Variants in NALF1 observed in about 807,000 individuals in gnomAD.
NALF1 encodes family with sequence similarity 155 member A.
In NALF1, 3 loss-of-function variants were observed where a neutral mutation model predicts 48.4. The ratio of observed to expected loss-of-function variants is 0.06; its 90% CI spans 0.03 to 0.16. The LOEUF (loss-of-function observed/expected upper bound fraction) is 0.16. Ranked by LOEUF, NALF1 falls within the 10% of genes least tolerant of loss-of-function variation. The pLI is 1.00. For synonymous variants in NALF1, 262 were observed against 245.7 expected, an observed-to-expected ratio of 1.07 and a Z score of -0.62; for missense variants, 526 against 571.5, an observed-to-expected ratio of 0.92 and a Z score of 0.81.
intron 1 of NALF1, among the ~76,000 whole-genome samples, chr13:107,839,256 G>T (rs1368133273): frequency 6.6e-6 from 1 of 150,894 alleles, no homozygotes; most frequent in Non-Finnish European, 1.5e-5. Flanking sequence ...ATGTAAAATC[G>T]TAGGTGTTAT....
Position 107,568,879 on chromosome 13 carries a change from T to C in NALF1, c.915+296803A>G, listed in dbSNP as rs538626545. 2.3e-4 allele frequency among the ~76,000 whole-genome samples: 35 copies of C among 152,326 alleles called. No homozygotes were observed. The South Asian group carries it at 7.2e-3, about 32-fold the overall frequency. ...GCAATTTGTAAATATTTTCTTCCAG[T>C]CTGTGATTTTATCTTTATAACAGTC... On this transcript the variant is annotated intron_variant, in intron 1 of 2. Transcript: ENST00000375915.
intron 1 of NALF1, among the ~76,000 whole-genome samples, chr13:107,254,403 C>T (rs768866248): frequency 7.2e-5 from 11 of 152,146 alleles, no homozygotes; most frequent in Non-Finnish European, 1.2e-4. Flanking sequence ...GGAGATGGCA[C>T]GATCTGCAGG....
At chr13:107,718,142 T>C (rs1875877381) in intron 1 of NALF1, among the ~76,000 whole-genome samples, 1 of 152,214 alleles carries the variant, frequency 6.6e-6, no homozygotes, top group African/African-American at 2.4e-5. Flanking sequence ...GTGTCCTTGA[T>C]GGCACTGTCT....
At chr13:107,344,904 A>G (rs910315567) in intron 1 of NALF1, among the ~76,000 whole-genome samples, 1 of 152,168 alleles carries the variant, frequency 6.6e-6, no homozygotes, top group Non-Finnish European at 1.5e-5. Context: ...CTTTTCACAG[A>G]TGAGATAAAC....
At chr13:107,258,530 A>C (rs962334256) in intron 1 of NALF1, among the ~76,000 whole-genome samples, 7 of 152,180 alleles carry the variant, frequency 4.6e-5, no homozygotes, top group African/African-American at 1.7e-4. Context: ...CTAAGCAAAA[A>C]GTCCCTTCCC....
intron 1 of NALF1, among the ~76,000 whole-genome samples, chr13:107,258,479 G>A (rs1368465940): frequency 1.3e-5 from 2 of 152,014 alleles, no homozygotes; most frequent in African/African-American, 4.8e-5. Flanking sequence ...ATAATTAGTT[G>A]GTAAGATTGG....
chr13:107,723,362 C>A (rs1383846527), intron 1 of NALF1, among the ~76,000 whole-genome samples: 1 of 152,112 alleles, frequency 6.6e-6, no homozygotes, highest in African/African-American at 2.4e-5. Flanking sequence ...AGATTGACTA[C>A]CCTGTCTAAA....
chr13:107,833,053 G>A (rs896378589), intron 1 of NALF1, among the ~76,000 whole-genome samples: 1 of 152,026 alleles, frequency 6.6e-6, no homozygotes, highest in Non-Finnish European at 1.5e-5. Context: ...GGTGCTCCAC[G>A]CACATGCCCC....
At chr13:107,745,366 C>A (rs926963975) in intron 1 of NALF1, among the ~76,000 whole-genome samples, 11 of 152,044 alleles carry the variant, frequency 7.2e-5, no homozygotes, top group Non-Finnish European at 1.3e-4. Flanking sequence ...ATTATAGACA[C>A]CCCCTAGCTG....
At chr13:107,246,886 T>C (rs974091148) in intron 1 of NALF1, among the ~76,000 whole-genome samples, 5 of 152,166 alleles carry the variant, frequency 3.3e-5, no homozygotes, top group African/African-American at 1.2e-4. Context: ...ACTAATTAAG[T>C]GGTAATTTTC....
chr13:107,166,461 C>T lies in NALF1; in HGVS notation c.*4036G>A, dbSNP rs1194656891. Reference sequence around the variant, plus strand: ...CACAGAAAAGAAATTAAATACCTGACTGCAGTTCTAAATAAATAAAACAAA... The same window carrying T: ...CACAGAAAAGAAATTAAATACCTGATTGCAGTTCTAAATAAATAAAACAAA... On this transcript the variant is annotated 3_prime_UTR_variant, in exon 3 of 3. Transcript: ENST00000375915. The T allele has an allele frequency of 2.0e-5, 3 of 152,180 alleles. No individual in the cohort carries two copies. Among genetic ancestry groups the T allele is most frequent in the Admixed American group, 1.3e-4 (2 of 15,278 alleles). The allele number at this position is 152,180 out of a possible 1,614,324, so 9.4% of individuals were successfully genotyped here.
At chr13:107,800,084 GCACT>G (rs1231462335) in intron 1 of NALF1, among the ~76,000 whole-genome samples, 2 of 152,072 alleles carry the variant, frequency 1.3e-5, no homozygotes, top group African/African-American at 4.8e-5. Context: ...TGAAATCTCC[GCACT>G]TAAGGAGCAT....
chr13:107,832,682 T>C (rs756709040), intron 1 of NALF1, among the ~76,000 whole-genome samples: 2 of 152,136 alleles, frequency 1.3e-5, no homozygotes, highest in Non-Finnish European at 2.9e-5. Context: ...GTCCTGTCCA[T>C]TGTGGCAGCC....
chr13:107,402,081 T>A (rs1001804339), intron 1 of NALF1, among the ~76,000 whole-genome samples: 2 of 151,084 alleles, frequency 1.3e-5, no homozygotes, highest in Admixed American at 1.3e-4. Flanking sequence ...GCAAAGCTGA[T>A]GGGATGTCCT....
Position 107,725,865 on chromosome 13 carries a change from T to G in NALF1, c.915+139817A>C, listed in dbSNP as rs563467575. On this transcript the variant is annotated intron_variant, in intron 1 of 2. Coordinates refer to ENST00000375915, the MANE Select transcript of NALF1 (RefSeq NM_001080396.3). ...ACAAGGAAATTCAACCGTTTTGGTT[T>G]TGTAATTTTTTTTCATATTGCCGAG... 1.1e-4 allele frequency among the ~76,000 whole-genome samples: 17 copies of G among 152,338 alleles called. No individual in the cohort carries two copies. In the South Asian group the frequency reaches 3.5e-3, roughly 32 times the overall value.
intron 1 of NALF1, among the ~76,000 whole-genome samples, chr13:107,308,743 T>C (rs1881989397): frequency 6.6e-6 from 1 of 152,160 alleles, no homozygotes; most frequent in Non-Finnish European, 1.5e-5. Context: ...AGCCAATGTC[T>C]CTCCTGAAAA....
intron 1 of NALF1, among the ~76,000 whole-genome samples, chr13:107,555,732 C>G (rs947440674): frequency 6.6e-6 from 1 of 151,868 alleles, no homozygotes; most frequent in African/African-American, 2.4e-5. Flanking sequence ...CATCATTTAT[C>G]GGTGTCATCA....
chr13:107,206,853 T>G (rs1259457238), intron 2 of NALF1, among the ~76,000 whole-genome samples: 1 of 152,162 alleles, frequency 6.6e-6, no homozygotes, highest in Admixed American at 6.5e-5. Context: ...TTGAGGTCAA[T>G]AAGAAAAGTA....
intron 1 of NALF1, among the ~76,000 whole-genome samples, chr13:107,341,193 T>A (rs1235968392): frequency 6.6e-6 from 1 of 152,034 alleles, no homozygotes. Context: ...CTTGACTGGA[T>A]GAAGATTAAT....
Sources: gnomAD v4.1 joint callset for allele counts (sites outside exome capture counted in the v4.1 genomes callset) on GRCh38, gnomAD v4.1.1 for gene constraint, MANE v1.5 for transcripts, NCBI Gene and HGNC (gene_info 2026-07-23, HGNC 2026-07-21) for gene names.